The following RARB variants were observed in gnomAD, a reference collection of about 807,000 sequenced individuals.
RARB encodes retinoic acid receptor beta, also known as HBV-activated protein.
In RARB, 17 loss-of-function variants were observed where a neutral mutation model predicts 51.9. The observed-to-expected ratio is 0.33, with a 90% CI of 0.22 to 0.49. The LOEUF (loss-of-function observed/expected upper bound fraction) is 0.49, where lower values mean the gene tolerates loss of function less well. RARB is among the 20% of genes least tolerant of loss of function. RARB has a pLI of 0.99. For missense variants in RARB, 369 were observed against 550.8 expected (o/e 0.67, Z 3.30); for synonymous variants, 215 against 195.4 (o/e 1.10, Z -0.84).
intron 5 of RARB, among the ~76,000 whole-genome samples, chr3:25,202,902 G>A (rs568496591): frequency 1.7e-3 from 253 of 152,316 alleles, no homozygotes; most frequent in Admixed American, 2.8e-3. Flanking sequence ...TGAGAAGAAT[G>A]TATATTTTGT....
chr3:25,213,601 G>A (rs1195257495), intron 5 of RARB, among the ~76,000 whole-genome samples: 2 of 152,088 alleles, frequency 1.3e-5, no homozygotes, highest in Non-Finnish European at 2.9e-5. Context: ...TGAGTTGTAG[G>A]GTATGCATAA....
At chr3:25,582,622 CA>C (rs1336380150) in intron 5 of RARB, among the ~76,000 whole-genome samples, 1 of 152,032 alleles carries the variant, frequency 6.6e-6, no homozygotes, top group African/African-American at 2.4e-5. Context: ...GATCAGGGTG[CA>C]GTCTCCACAA....
At chr3:25,229,789 A>T (rs907579443) in intron 5 of RARB, among the ~76,000 whole-genome samples, 2 of 148,812 alleles carry the variant, frequency 1.3e-5, no homozygotes, top group Admixed American at 1.4e-4. Flanking sequence ...AGCCAATCCT[A>T]CCTTCGTGTT....
intron 7 of RARB, among the ~76,000 whole-genome samples, chr3:25,595,433 CCTT>C (rs1364517877): frequency 6.6e-6 from 1 of 152,132 alleles, no homozygotes; most frequent in Non-Finnish European, 1.5e-5. Context: ...AACTCGAGCT[CCTT>C]CTAAGAGGTC....
chr3:25,299,448 C>T (rs1703989644), intron 5 of RARB, among the ~76,000 whole-genome samples: 1 of 152,116 alleles, frequency 6.6e-6, no homozygotes, highest in Admixed American at 6.6e-5. Flanking sequence ...AATCCTCCCA[C>T]CTTGGCCTCC....
Position 25,320,027 on chromosome 3 carries a change from T to C in RARB, c.179-141166T>C, listed in dbSNP as rs533283635. Among the ~76,000 whole-genome samples, 251 of 114,774 alleles carry C rather than the reference T, an allele frequency of 2.2e-3. 1 individual carries two copies. Among genetic ancestry groups the C allele is most frequent in the Non-Finnish European group, 4.0e-3 (211 of 53,172 alleles). 75.3% of individuals were successfully genotyped at this position (114,774 alleles called of 152,430 possible). A position where few individuals can be genotyped will look rare whatever the true frequency, so the allele number is the denominator to read the frequency against. ...AATGAACTAAAAAAAATAAGGATCA[T>C]CTTTTTTTTTTTTTTGCTAATGGAT... On this transcript the variant is annotated intron_variant, in intron 5 of 11. Coordinates refer to the RARB transcript ENST00000383772.
chr3:25,324,070 G>A (rs976533737), intron 5 of RARB: 3 of 152,122 alleles, frequency 2.0e-5, no homozygotes, highest in South Asian at 2.1e-4. Flanking sequence ...TTCTAGTCTC[G>A]GATGAATTAG....
chr3:24,946,263 CAAAA>C (rs201010416), intron 2 of RARB, among the ~76,000 whole-genome samples: 94 of 116,454 alleles, frequency 8.1e-4, no homozygotes, highest in Non-Finnish European at 6.5e-4. Context: ...GACTCCATCT[CAAAA>C]AAAAAAAAAA....
intron 3 of RARB, among the ~76,000 whole-genome samples, chr3:25,559,298 A>G: frequency 6.6e-6 from 1 of 152,198 alleles, no homozygotes; most frequent in East Asian, 1.9e-4. Flanking sequence ...AATAAGACCT[A>G]GCATATTCTT....
At chr3:24,926,200 G>T (rs1428815417) in intron 2 of RARB, among the ~76,000 whole-genome samples, 1 of 152,098 alleles carries the variant, frequency 6.6e-6, no homozygotes, top group South Asian at 2.1e-4. Context: ...ATGTTTGTTA[G>T]CAGTAAGACA....
chr3:24,905,269 T>A (rs1030794710), intron 2 of RARB, among the ~76,000 whole-genome samples: 6 of 152,204 alleles, frequency 3.9e-5, no homozygotes, highest in Non-Finnish European at 7.3e-5. Flanking sequence ...TATGGTAGTT[T>A]CAAATGTGAT....
At chr3:24,882,313 T>G (rs1013792673) in intron 2 of RARB, among the ~76,000 whole-genome samples, 1 of 152,206 alleles carries the variant, frequency 6.6e-6, no homozygotes, top group African/African-American at 2.4e-5. Flanking sequence ...TAAAAATTTT[T>G]AAAAAATTGT....
At chr3:25,269,037 T>C (rs1703190487) in intron 5 of RARB, among the ~76,000 whole-genome samples, 1 of 152,136 alleles carries the variant, frequency 6.6e-6, no homozygotes, top group African/African-American at 2.4e-5. Flanking sequence ...CTTCCAATAG[T>C]ATATAAAGAA....
At chr3:24,903,968 G>A (rs2125373760) in intron 2 of RARB, among the ~76,000 whole-genome samples, 1 of 152,274 alleles carries the variant, frequency 6.6e-6, no homozygotes, top group Admixed American at 6.5e-5. Context: ...TTACCACCAG[G>A]TCATATATGA....
chr3:25,050,912 A>T (rs1698320036), intron 2 of RARB, among the ~76,000 whole-genome samples: 1 of 152,204 alleles, frequency 6.6e-6, no homozygotes, highest in Non-Finnish European at 1.5e-5. Flanking sequence ...CTTCAACTCA[A>T]CAGAGTTTAA....
At chr3:25,120,557 C>CTCTCTT (rs1321363273) in intron 3 of RARB, among the ~76,000 whole-genome samples, 1 of 151,716 alleles carries the variant, frequency 6.6e-6, no homozygotes, top group African/African-American at 2.4e-5. Context: ...CTCTCTCTCT[C>CTCTCTT]TCTCTCGATA....
chr3:25,348,454 C>T (rs1297896579), intron 5 of RARB, among the ~76,000 whole-genome samples: 1 of 136,042 alleles, frequency 7.4e-6, no homozygotes, highest in Non-Finnish European at 1.6e-5. Flanking sequence ...TTGTTGGCTT[C>T]TTTGCAGGAA....
intron 2 of RARB, among the ~76,000 whole-genome samples, chr3:24,930,095 G>A (rs1326018505): frequency 6.6e-6 from 1 of 152,030 alleles, no homozygotes; most frequent in African/African-American, 2.4e-5. Context: ...ATAATAGCGG[G>A]ATTTTTTTAT....
intron 2 of RARB, among the ~76,000 whole-genome samples, chr3:25,053,130 A>C (rs950690371): frequency 2.6e-5 from 4 of 152,180 alleles, no homozygotes; most frequent in African/African-American, 9.7e-5. Context: ...GAGAGATTAT[A>C]GTTTTTAAGC....
Sources: gnomAD v4.1 joint callset for allele counts (sites outside exome capture counted in the v4.1 genomes callset) on GRCh38, gnomAD v4.1.1 for gene constraint, MANE v1.5 for transcripts, NCBI Gene and HGNC (gene_info 2026-07-23, HGNC 2026-07-21) for gene names.